Variants in BCL9 observed in about 807,000 individuals in gnomAD.
BCL9 encodes BCL9 transcription coactivator.
BCL9 carries 25 observed loss-of-function variants against 88.5 expected under a neutral mutation model. That is an observed-to-expected ratio of 0.28 (90% CI 0.21 to 0.39). BCL9 has a LOEUF of 0.39. Among genes scored for constraint, BCL9 ranks in the 10% least tolerant of loss-of-function variants. BCL9 has a pLI of 1.00. For missense variants in BCL9, 1,817 were observed against 1,877.8 expected (o/e 0.97, Z 0.60); for synonymous variants, 711 against 673.3 (o/e 1.06, Z -0.87).
intron 1 of BCL9, among the ~76,000 whole-genome samples, chr1:147,545,264 C>G (rs1654503015): frequency 6.6e-6 from 1 of 152,202 alleles, no homozygotes; most frequent in Admixed American, 6.5e-5. Context: ...GCACCTGTGG[C>G]CAACGCCTCC....
At chr1:147,605,885 T>C (rs1657673995) in intron 2 of BCL9, among the ~76,000 whole-genome samples, 2 of 152,198 alleles carry the variant, frequency 1.3e-5, no homozygotes, top group South Asian at 4.1e-4. Flanking sequence ...TCTAATAAAC[T>C]GGACTTCTTA....
At chr1:147,593,765 C>T (rs1656937367) in intron 1 of BCL9, among the ~76,000 whole-genome samples, 1 of 152,072 alleles carries the variant, frequency 6.6e-6, no homozygotes, top group African/African-American at 2.4e-5. Context: ...ATCCCCCAAG[C>T]CCTGTACTTA....
Position 147,625,735 on chromosome 1 carries a change from GTCTCC to G in BCL9, c.*779_*783del. The G allele has an allele frequency of 4.3e-6, 1 of 233,444 alleles. No individual in the cohort carries two copies. Among genetic ancestry groups the G allele is most frequent in the Non-Finnish European group, 8.5e-6 (1 of 117,982 alleles). 14.5% of individuals were successfully genotyped at this position (233,444 alleles called of 1,614,324 possible). ...TGTTTTCTCTCTCCGATTTTGCTCT[GTCTCC>G]TCAGTTAAGTGTTTCCTTCCTTTGT... On this transcript the variant is annotated 3_prime_UTR_variant, in exon 10 of 10. Coordinates refer to ENST00000234739, the MANE Select transcript of BCL9 (RefSeq NM_004326.4).
chr1:147,596,419 T>TTC (rs1284783741), intron 1 of BCL9, among the ~76,000 whole-genome samples: 1 of 142,630 alleles, frequency 7.0e-6, no homozygotes, highest in African/African-American at 2.6e-5. Context: ...TTCTTTTCTT[T>TTC]TTTTTTTTTT....
At chr1:147,561,900 G>A (rs1395280905) in intron 1 of BCL9, among the ~76,000 whole-genome samples, 1 of 152,184 alleles carries the variant, frequency 6.6e-6, no homozygotes, top group Non-Finnish European at 1.5e-5. Flanking sequence ...GATGTTATTG[G>A]AGGAAATGTC....
chr1:147,607,740 G>A (rs1553202161), intron 3 of BCL9, among the ~76,000 whole-genome samples: 1 of 152,104 alleles, frequency 6.6e-6, no homozygotes, highest in African/African-American at 2.4e-5. Flanking sequence ...GGTGGATAAA[G>A]GAGCCATTTA....
intron 3 of BCL9, among the ~76,000 whole-genome samples, chr1:147,608,356 G>A (rs1460501206): frequency 3.0e-5 from 3 of 98,592 alleles, no homozygotes; most frequent in African/African-American, 4.5e-5. Context: ...TTTTTAGCAC[G>A]GAAAGATTCT....
At chr1:147,601,684 T>C (rs1413547999) in intron 1 of BCL9, among the ~76,000 whole-genome samples, 1 of 152,140 alleles carries the variant, frequency 6.6e-6, no homozygotes, top group Non-Finnish European at 1.5e-5. Flanking sequence ...CAAGGAGAGA[T>C]GTTTGCGTGA....
intron 1 of BCL9, among the ~76,000 whole-genome samples, chr1:147,587,008 T>G (rs1371118034): frequency 8.4e-6 from 1 of 118,468 alleles, no homozygotes; most frequent in Non-Finnish European, 1.7e-5. Context: ...AGGAATGTGG[T>G]TCGTTTTCTC....
intron 1 of BCL9, among the ~76,000 whole-genome samples, chr1:147,554,119 A>G (rs904575366): frequency 2.0e-5 from 3 of 152,274 alleles, no homozygotes; most frequent in Non-Finnish European, 4.4e-5. Flanking sequence ...GGGATAAAGA[A>G]TAATGCAGAA....
intron 1 of BCL9, among the ~76,000 whole-genome samples, chr1:147,596,406 T>TC (rs1344778819): frequency 2.6e-3 from 1 of 384 alleles, no homozygotes; most frequent in Non-Finnish European, 9.4e-3. Flanking sequence ...GACTTTCTTT[T>TC]TTTTCTTTTC....
At chr1:147,574,047 A>C (rs1358577477) in intron 1 of BCL9, among the ~76,000 whole-genome samples, 1 of 152,160 alleles carries the variant, frequency 6.6e-6, no homozygotes, top group Non-Finnish European at 1.5e-5. Flanking sequence ...TTACCTCTTT[A>C]ATCCTCACAG....
At chr1:147,562,936 C>A (rs895330625) in intron 1 of BCL9, among the ~76,000 whole-genome samples, 1 of 152,162 alleles carries the variant, frequency 6.6e-6, no homozygotes, top group Non-Finnish European at 1.5e-5. Flanking sequence ...TTTTCTCTGA[C>A]CTCATCTCTT....
chr1:147,545,766 C>T (rs587710722), intron 1 of BCL9, among the ~76,000 whole-genome samples: 141 of 152,272 alleles, frequency 9.3e-4, no homozygotes, highest in African/African-American at 3.2e-3. Context: ...TGGAAATTTT[C>T]TCCATTCCTT....
intron 2 of BCL9, among the ~76,000 whole-genome samples, chr1:147,606,539 C>G (rs1553202021): frequency 6.6e-6 from 1 of 152,142 alleles, no homozygotes; most frequent in Non-Finnish European, 1.5e-5. Context: ...TCTCCAGCCT[C>G]TGAAAATAAA....
intron 1 of BCL9, among the ~76,000 whole-genome samples, chr1:147,595,080 A>G (rs1656990109): frequency 6.6e-6 from 1 of 152,220 alleles, no homozygotes; most frequent in African/African-American, 2.4e-5. Flanking sequence ...TGCTGTGGAA[A>G]ATGATAGCGG....
At chr1:147,567,927 C>T (rs587604230) in intron 1 of BCL9, among the ~76,000 whole-genome samples, 1 of 152,314 alleles carries the variant, frequency 6.6e-6, no homozygotes, top group South Asian at 2.1e-4. Context: ...TATCCCATTG[C>T]AGCTCTAACA....
At chr1:147,551,208 G>A (rs187585531) in intron 1 of BCL9, among the ~76,000 whole-genome samples, 7 of 152,258 alleles carry the variant, frequency 4.6e-5, no homozygotes, top group East Asian at 1.9e-4. Flanking sequence ...AGGACACTGC[G>A]GTCTAGAGAG....
At chr1:147,594,149 G>A (rs1656952349) in intron 1 of BCL9, among the ~76,000 whole-genome samples, 2 of 152,188 alleles carry the variant, frequency 1.3e-5, no homozygotes, top group African/African-American at 4.8e-5. Context: ...CACGAATTAT[G>A]TAAAAAATGG....
Sources: allele counts gnomAD v4.1 joint callset (sites outside exome capture counted in the v4.1 genomes callset), GRCh38; gene constraint gnomAD v4.1.1; transcripts MANE v1.5; gene names NCBI Gene and HGNC (gene_info 2026-07-23, HGNC 2026-07-21).